The following EPB41L1 variants were observed in gnomAD, a reference collection of about 807,000 sequenced individuals.
EPB41L1 encodes the protein erythrocyte membrane protein band 4.1 like 1.
Under a neutral mutation model 97.8 loss-of-function variants are expected in EPB41L1, and 29 were observed. The observed-to-expected ratio is 0.30, with a 90% CI of 0.22 to 0.40. The LOEUF (loss-of-function observed/expected upper bound fraction) is 0.40. Among genes scored for constraint, EPB41L1 ranks in the 10% least tolerant of loss-of-function variants. The pLI, the probability that EPB41L1 is intolerant of heterozygous loss-of-function variation, is 1.00. For synonymous variants in EPB41L1, 383 were observed against 459.2 expected, an observed-to-expected ratio of 0.83 and a Z score of 2.12; for missense variants, 812 against 1,162.3, an observed-to-expected ratio of 0.70 and a Z score of 4.38.
intron 1 of EPB41L1, among the ~76,000 whole-genome samples, chr20:36,173,190 G>T (rs148640624): frequency 6.6e-6 from 1 of 152,140 alleles, no homozygotes; most frequent in Non-Finnish European, 1.5e-5. Context: ...AAGCCTGCGC[G>T]TTTTTTTGTT....
chr20:36,095,223 C>T lies in EPB41L1; in HGVS notation c.-65+3611C>T, dbSNP rs183636992. ...CTGACCTCAGGTGATCCACCCGCCT[C>T]GGCCTCCCAAAGTGCTGGGATTACA... On this transcript the variant is annotated intron_variant, in intron 1 of 19. Coordinates refer to the EPB41L1 transcript ENST00000202028. Among the ~76,000 whole-genome samples the T allele has an allele frequency of 3.5e-3, 538 of 152,286 alleles. 1 individual carries two copies. The highest frequency in any genetic ancestry group is 9.7e-3 in the African/African-American group (403 of 41,568).
chr20:36,162,303 G>T (rs1272056226), intron 1 of EPB41L1, among the ~76,000 whole-genome samples: 1 of 152,242 alleles, frequency 6.6e-6, no homozygotes, highest in African/African-American at 2.4e-5. Flanking sequence ...ATGTGGGAGG[G>T]ATTGATACTG....
Position 36,178,735 on chromosome 20 carries a change from C to G in EPB41L1, c.490+63C>G, listed in dbSNP as rs2061354097. On this transcript the variant is annotated intron_variant, in intron 5 of 21. Coordinates refer to ENST00000338074, the MANE Select transcript of EPB41L1 (RefSeq NM_012156.2). ...AGGGGATTCCAGGCCATGAGAGCCCCCCTTGTACTGCTCTCTCCTCCTTTG... is the reference window on the plus strand; with the variant it reads ...AGGGGATTCCAGGCCATGAGAGCCCGCCTTGTACTGCTCTCTCCTCCTTTG... 6 of 1,514,782 alleles carry G rather than the reference C, an allele frequency of 4.0e-6. No homozygotes were observed. In the East Asian group the frequency reaches 1.3e-4, roughly 34 times the overall value. The allele number at this position is 1,514,782 out of a possible 1,614,324, so 93.8% of individuals were successfully genotyped here. A position where few individuals can be genotyped will look rare whatever the true frequency, so the allele number is the denominator to read the frequency against.
intron 1 of EPB41L1, among the ~76,000 whole-genome samples, chr20:36,169,407 A>C (rs1461463724): frequency 2.6e-5 from 4 of 152,062 alleles, no homozygotes; most frequent in Non-Finnish European, 5.9e-5. Flanking sequence ...TCCATGAATG[A>C]CTGTGTGAAG....
Position 36,206,527 on chromosome 20 carries a change from G to A in EPB41L1, c.1669-2961G>A, listed in dbSNP as rs1004080799. The A allele has an allele frequency of 1.6e-6, 2 of 1,289,830 alleles. No homozygotes were observed. Among genetic ancestry groups the A allele is most frequent in the Admixed American group, 2.3e-5 (1 of 43,566 alleles). The allele number at this position is 1,289,830 out of a possible 1,614,324, so 79.9% of individuals were successfully genotyped here. On this transcript the variant is annotated intron_variant, in intron 14 of 21. Coordinates refer to ENST00000338074, the MANE Select transcript of EPB41L1 (RefSeq NM_012156.2). The surrounding 1 kb of genome is among the most constrained non-coding windows in gnomAD (Gnocchi z 5.5). ...AGACCAAGTCCTCCCTCCACCCCTG[G>A]AGGAGAGAAAAGGGCGCCTGGATGC...
chr20:36,167,683 G>A (rs531400833), intron 1 of EPB41L1, among the ~76,000 whole-genome samples: 8 of 151,664 alleles, frequency 5.3e-5, no homozygotes, highest in African/African-American at 1.9e-4. Context: ...ACTCCAGCCT[G>A]GGCCATGGAG....
At position 36,188,780 on chromosome 20, in the gene EPB41L1, G is replaced by A. The variant is rs541457458; in HGVS notation, c.1026+281G>A. Among the ~76,000 whole-genome samples the A allele has an allele frequency of 1.1e-3, 171 of 150,942 alleles. 4 individuals are homozygous for A. In the South Asian group the frequency reaches 0.035, roughly 31 times the overall value. The stretch of plus-strand genomic sequence containing the variant: ...GGATCACATGAGGTCAGGAGTGTGA[G>A]ACCAGCCTGGCCAACATGGTGAAAC... On this transcript the variant is annotated intron_variant, in intron 9 of 21. Coordinates refer to ENST00000338074, the MANE Select transcript of EPB41L1 (RefSeq NM_012156.2).
intron 1 of EPB41L1, among the ~76,000 whole-genome samples, chr20:36,097,936 G>A (rs1216122944): frequency 5.9e-5 from 9 of 152,186 alleles, no homozygotes; most frequent in Admixed American, 4.6e-4. Flanking sequence ...AGAGGAGTAA[G>A]CCAACCAGGA....
chr20:36,201,489 G>A (rs2062494921), intron 14 of EPB41L1, among the ~76,000 whole-genome samples: 1 of 152,218 alleles, frequency 6.6e-6, no homozygotes, highest in African/African-American at 2.4e-5. Flanking sequence ...CTGTTCAGAA[G>A]CCTGAATGGT....
intron 2 of EPB41L1, among the ~76,000 whole-genome samples, chr20:36,139,397 TAGTC>T (rs1484557665): frequency 2.0e-5 from 3 of 152,254 alleles, no homozygotes; most frequent in African/African-American, 7.2e-5. Context: ...GTTTGCATGA[TAGTC>T]AGTTATCTTT....
intron 1 of EPB41L1, among the ~76,000 whole-genome samples, chr20:36,097,909 C>T (rs746387243): frequency 5.3e-5 from 8 of 152,118 alleles, no homozygotes; most frequent in Non-Finnish European, 8.8e-5. Context: ...GTCCTGCAGA[C>T]GGCAGGGAGC....
chr20:36,133,675 G>A (rs1437668583), intron 2 of EPB41L1, among the ~76,000 whole-genome samples: 1 of 152,032 alleles, frequency 6.6e-6, no homozygotes, highest in Admixed American at 6.6e-5. Context: ...TGGGCAATAT[G>A]CAAACCCTGT....
intron 1 of EPB41L1, among the ~76,000 whole-genome samples, chr20:36,156,134 T>G (rs1471111351): frequency 6.6e-6 from 1 of 152,218 alleles, no homozygotes; most frequent in Admixed American, 6.5e-5. Flanking sequence ...TGAGCCACCG[T>G]GGCCCAGGAA....
In EPB41L1 at chr20:36,185,358, C is replaced by T. The variant is rs781412221; in HGVS notation, c.785+23C>T. ...TAGGTAAGAGGGTGCCAGCCAGGGC[C>T]TTCTGTGGCTCCTTGGCCAGTGGGA... On this transcript the variant is annotated intron_variant, in intron 7 of 21. Transcript: ENST00000338074. 1.9e-6 allele frequency: 3 copies of T among 1,602,506 alleles called. No homozygotes were observed. The South Asian group carries it at 3.3e-5, about 18-fold the overall frequency.
intron 2 of EPB41L1, among the ~76,000 whole-genome samples, chr20:36,138,733 G>C (rs1372304802): frequency 1.3e-5 from 2 of 152,222 alleles, no homozygotes; most frequent in African/African-American, 4.8e-5. Flanking sequence ...TAAGTTATTT[G>C]CTCAAAGTCT....
chr20:36,219,463 T>G (rs2063645931), intron 18 of EPB41L1, among the ~76,000 whole-genome samples: 1 of 152,202 alleles, frequency 6.6e-6, no homozygotes, highest in Non-Finnish European at 1.5e-5. Flanking sequence ...GGGCTGTGTT[T>G]CCACCTTGGA....
At chr20:36,117,493 T>C (rs1043831343) in intron 2 of EPB41L1, among the ~76,000 whole-genome samples, 2 of 152,206 alleles carry the variant, frequency 1.3e-5, no homozygotes, top group African/African-American at 4.8e-5. Flanking sequence ...ACACTAGAAC[T>C]AGAATCAAAG....
Position 36,205,880 on chromosome 20 carries a change from A to G in EPB41L1, c.1669-3608A>G, listed in dbSNP as rs559512971. On this transcript the variant is annotated intron_variant, in intron 14 of 21. Coordinates refer to ENST00000338074, the MANE Select transcript of EPB41L1 (RefSeq NM_012156.2). ...GAGCATTGGGTATTTATAGAAAGAG[A>G]GTACACTAGGCCAGAAGAGCTCGGT... 115 of 1,289,766 alleles carry G rather than the reference A, an allele frequency of 8.9e-5. No homozygotes were observed. The Admixed American group carries it at 1.4e-3, about 16-fold the overall frequency. The allele number at this position is 1,289,766 out of a possible 1,614,324, so 79.9% of individuals were successfully genotyped here.
intron 11 of EPB41L1, among the ~76,000 whole-genome samples, chr20:36,191,891 C>A (rs922603345): frequency 3.3e-5 from 5 of 152,060 alleles, no homozygotes; most frequent in Non-Finnish European, 7.3e-5. Context: ...GAAATTGTAC[C>A]CATCATTATT....
Sources: gnomAD v4.1 joint callset for allele counts (sites outside exome capture counted in the v4.1 genomes callset) on GRCh38, gnomAD v4.1.1 for gene constraint, Gnocchi (gnomAD v3.1) non-coding constraint, MANE v1.5 for transcripts, NCBI Gene and HGNC (gene_info 2026-07-23, HGNC 2026-07-21) for gene names.